The following CDH17 variants were observed in gnomAD, a reference collection of about 807,000 sequenced individuals.
The protein encoded by CDH17 is cadherin 17.
A neutral mutation model predicts 86.3 loss-of-function variants in CDH17; 67 were observed. That is an observed-to-expected ratio of 0.78 (90% CI 0.64 to 0.95). The LOEUF is 0.95. CDH17 is among the 40% of genes least tolerant of loss of function. The pLI is 0.00. For synonymous variants in CDH17, 367 were observed against 366.4 expected, an observed-to-expected ratio of 1.00 and a Z score of -0.02; for missense variants, 993 against 1,017.6, an observed-to-expected ratio of 0.98 and a Z score of 0.33.
At chr8:94,163,529 C>T (rs951982648) in intron 10 of CDH17, among the ~76,000 whole-genome samples, 4 of 152,248 alleles carry the variant, frequency 2.6e-5, no homozygotes, top group Admixed American at 2.0e-4. Context: ...GGATGCTCCC[C>T]TCCCTGGCTC....
At chr8:94,205,703 T>C (rs1277608625) in intron 1 of CDH17, among the ~76,000 whole-genome samples, 3 of 152,228 alleles carry the variant, frequency 2.0e-5, no homozygotes, top group African/African-American at 4.8e-5. Flanking sequence ...TTGTTTTTTT[T>C]TTTAATCATT....
chr8:94,177,037 A>G (rs941664196), intron 4 of CDH17, among the ~76,000 whole-genome samples: 13 of 152,228 alleles, frequency 8.5e-5, no homozygotes, highest in East Asian at 1.9e-4. Context: ...CAGAAGTACC[A>G]GACAGAAAGC....
chr8:94,170,847 T>C lies in CDH17; in HGVS notation c.915+7A>G. On this transcript the variant is annotated splice_region_variant and intron_variant, in intron 8 of 17. Transcript: ENST00000027335. The stretch of plus-strand genomic sequence containing the variant: ...TGTCGCCTGTGAAACTCTTCTCTTT[T>C]ACTCACTGCATCCTTTTCTTCTCGG... 4 of 1,613,142 alleles carry C rather than the reference T, an allele frequency of 2.5e-6. No homozygotes were observed. Among genetic ancestry groups the C allele is most frequent in the Non-Finnish European group, 3.4e-6 (4 of 1,179,584 alleles).
chr8:94,168,096 G>GAATATATATATA (rs1813191049), intron 9 of CDH17, among the ~76,000 whole-genome samples: 7 of 68,376 alleles, frequency 1.0e-4, no homozygotes, highest in Non-Finnish European at 1.7e-4. Flanking sequence ...ATACACTGGG[G>GAATATATATATA]AATATATATA....
chr8:94,144,313 TAAC>T (rs1812695561), intron 15 of CDH17, among the ~76,000 whole-genome samples: 2 of 152,128 alleles, frequency 1.3e-5, no homozygotes, highest in African/African-American at 4.8e-5. Flanking sequence ...ATTATAATAA[TAAC>T]ATCAAAGATC....
upstream of CDH17, among the ~76,000 whole-genome samples, chr8:94,210,278 T>A (rs1422125937): frequency 7.1e-6 from 1 of 141,270 alleles, no homozygotes; most frequent in African/African-American, 2.7e-5. Context: ...AATCCCTGCA[T>A]GAGCCCATTC....
chr8:94,168,122 A>G (rs1246589006), intron 9 of CDH17, among the ~76,000 whole-genome samples: 3 of 40,404 alleles, frequency 7.4e-5, no homozygotes, highest in African/African-American at 2.4e-4. Flanking sequence ...ATATATATAT[A>G]TATATATATA....
intron 3 of CDH17, among the ~76,000 whole-genome samples, chr8:94,178,596 T>C (rs569860691): frequency 2.2e-4 from 34 of 152,206 alleles, no homozygotes; most frequent in Non-Finnish European, 4.4e-4. Context: ...GTGAAATTAT[T>C]ATGGCACATG....
chr8:94,184,949 A>G (rs551067452), intron 3 of CDH17, among the ~76,000 whole-genome samples: 36 of 152,252 alleles, frequency 2.4e-4, no homozygotes, highest in African/African-American at 8.2e-4. Context: ...CAGGTGCTGG[A>G]TGAGAGGATC....
At chr8:94,203,996 G>T (rs898574512) in intron 1 of CDH17, among the ~76,000 whole-genome samples, 1 of 152,126 alleles carries the variant, frequency 6.6e-6, no homozygotes, top group African/African-American at 2.4e-5. Context: ...CTACCAATAG[G>T]TTCATGATAG....
At chr8:94,199,629 T>C (rs1211574420) in intron 1 of CDH17, among the ~76,000 whole-genome samples, 1 of 152,178 alleles carries the variant, frequency 6.6e-6, no homozygotes, top group African/African-American at 2.4e-5. Flanking sequence ...TACTTATCCT[T>C]TATTTTGTCA....
At chr8:94,153,096 A>C (rs1333214587) in intron 12 of CDH17, among the ~76,000 whole-genome samples, 1 of 152,244 alleles carries the variant, frequency 6.6e-6, no homozygotes. Context: ...CTTACAGATC[A>C]GGAGAAAATA....
intron 2 of CDH17, among the ~76,000 whole-genome samples, chr8:94,191,886 G>A (rs1298581217): frequency 6.6e-6 from 1 of 152,152 alleles, no homozygotes; most frequent in Non-Finnish European, 1.5e-5. Flanking sequence ...TGTTCCATCA[G>A]CTCCTCTAGA....
chr8:94,147,125 T>C (rs1586240401), intron 14 of CDH17, among the ~76,000 whole-genome samples: 1 of 152,216 alleles, frequency 6.6e-6, no homozygotes, highest in African/African-American at 2.4e-5. Context: ...TGAGAAACTC[T>C]TGGGACACAT....
intron 5 of CDH17, among the ~76,000 whole-genome samples, chr8:94,175,514 T>C (rs560612069): frequency 1.5e-3 from 225 of 152,302 alleles, no homozygotes; most frequent in Non-Finnish European, 2.9e-3. Context: ...TGAATATCTT[T>C]AAAATTTCTA....
intron 2 of CDH17, among the ~76,000 whole-genome samples, chr8:94,193,110 C>T (rs1365512031): frequency 1.3e-5 from 2 of 152,076 alleles, no homozygotes; most frequent in African/African-American, 4.8e-5. Flanking sequence ...CTGCTGCCAG[C>T]AGTGGTTGGG....
chr8:94,179,406 C>A (rs1586265804), intron 3 of CDH17, among the ~76,000 whole-genome samples: 1 of 152,270 alleles, frequency 6.6e-6, no homozygotes, highest in Non-Finnish European at 1.5e-5. Flanking sequence ...AAGCAGCTGA[C>A]CAAAACACTT....
At chr8:94,159,666 C>T (rs908785441) in intron 12 of CDH17, among the ~76,000 whole-genome samples, 2 of 152,108 alleles carry the variant, frequency 1.3e-5, no homozygotes, top group Non-Finnish European at 2.9e-5. Context: ...AAGTGCATCC[C>T]AAATATTGCA....
intron 15 of CDH17, among the ~76,000 whole-genome samples, chr8:94,132,877 C>T (rs1812447090): frequency 6.6e-6 from 1 of 152,194 alleles, no homozygotes; most frequent in Admixed American, 6.5e-5. Context: ...TTTCAGCTTT[C>T]TACATATGCC....
Sources: allele counts gnomAD v4.1 joint callset (sites outside exome capture counted in the v4.1 genomes callset), GRCh38; gene constraint gnomAD v4.1.1; transcripts MANE v1.5; gene names NCBI Gene and HGNC (gene_info 2026-07-23, HGNC 2026-07-21).